ARHGAP44: variants seen among roughly 807,000 people sequenced by gnomAD.
ARHGAP44 encodes Rho GTPase activating protein 44.
In ARHGAP44, 43 loss-of-function variants were observed where a neutral mutation model predicts 106.8. That is an observed-to-expected ratio of 0.40 (90% CI 0.32 to 0.52). The LOEUF is 0.52. Among genes scored for constraint, ARHGAP44 ranks in the 20% least tolerant of loss-of-function variants. The pLI, the probability that ARHGAP44 is intolerant of heterozygous loss-of-function variation, is 0.48. For missense variants in ARHGAP44, 866 were observed against 1,050.5 expected (o/e 0.82, Z 2.43); for synonymous variants, 439 against 410.3 (o/e 1.07, Z -0.85).
At chr17:12,791,856 T>G (rs2033770670) in intron 1 of ARHGAP44, among the ~76,000 whole-genome samples, 1 of 152,208 alleles carries the variant, frequency 6.6e-6, no homozygotes, top group African/African-American at 2.4e-5. Context: ...GCCATTGTGT[T>G]GTGCACTGGG....
intron 1 of ARHGAP44, among the ~76,000 whole-genome samples, chr17:12,852,343 C>T (rs1332675402): frequency 5.1e-5 from 4 of 78,238 alleles, no homozygotes; most frequent in Admixed American, 1.4e-4. Flanking sequence ...AACCAAAAAA[C>T]TCTTCGTTTT....
At chr17:12,983,129 G>T (rs1598161852) in intron 19 of ARHGAP44, 1 of 152,108 alleles carries the variant, frequency 6.6e-6, no homozygotes, top group Non-Finnish European at 1.5e-5. Flanking sequence ...GCTGGGCATG[G>T]TGGCAGGCGC....
intron 7 of ARHGAP44, among the ~76,000 whole-genome samples, chr17:12,930,037 C>A (rs1471677764): frequency 6.6e-6 from 1 of 152,144 alleles, no homozygotes; most frequent in Admixed American, 6.6e-5. Context: ...CATTATCTCC[C>A]AGCCTACAGT....
intron 18 of ARHGAP44, among the ~76,000 whole-genome samples, chr17:12,975,729 C>G (rs756441402): frequency 7.7e-6 from 1 of 130,544 alleles, no homozygotes; most frequent in Admixed American, 9.5e-5. Context: ...ACCCAGGAGG[C>G]GGAGCTTGCA....
intron 7 of ARHGAP44, among the ~76,000 whole-genome samples, chr17:12,935,285 G>A (rs939367707): frequency 1.3e-5 from 2 of 152,058 alleles, no homozygotes; most frequent in African/African-American, 4.8e-5. Flanking sequence ...CGATTAAAGG[G>A]CATATGGGCC....
rs1395955152 is a variant in ARHGAP44 at position 12,990,130 on chromosome 17, A to G, written c.2416A>G (p.Lys806Glu). The G allele has an allele frequency of 5.0e-6, 8 of 1,613,306 alleles. No homozygotes were observed. Among genetic ancestry groups the G allele is most frequent in the Middle Eastern group, 1.7e-4 (1 of 6,060 alleles). Residue 806 changes from lysine to glutamate, a missense_variant, in exon 21 of 21, where the codon AAG (lysine) becomes GAG (glutamate). By Grantham distance (56) the Lys-to-Glu change is moderately conservative. This residue lies in a region of ARHGAP44 where 418 missense variants were observed against 403.6 expected (regional missense o/e 1.04). Coordinates refer to ENST00000379672, the MANE Select transcript of ARHGAP44 (RefSeq NM_014859.6). ...CATGCGGCGACACTCAGTAACTGAC[A>G]AGAGGGACTCGGAGGAGGAGTCTGA... ...EHMRRHSVTD[K>E]RDSEEESEST...
intron 1 of ARHGAP44, among the ~76,000 whole-genome samples, chr17:12,891,459 A>G (rs1422856911): frequency 1.3e-5 from 2 of 152,218 alleles, no homozygotes; most frequent in Admixed American, 6.5e-5. Flanking sequence ...AGGAGAGAGC[A>G]AGAGGGAGCT....
At chr17:12,854,174 ACAGGAGGGTG>A (rs1173762857) in intron 1 of ARHGAP44, among the ~76,000 whole-genome samples, 5 of 152,178 alleles carry the variant, frequency 3.3e-5, no homozygotes, top group Non-Finnish European at 5.9e-5. Context: ...TGGAGATGGC[ACAGGAGGGTG>A]CAGGAAGAAA....
At chr17:12,844,977 G>C (rs1178566193) in intron 1 of ARHGAP44, among the ~76,000 whole-genome samples, 1 of 152,246 alleles carries the variant, frequency 6.6e-6, no homozygotes, top group Non-Finnish European at 1.5e-5. Context: ...CATTTGCCGA[G>C]AGTTAGGCTC....
At chr17:12,789,933 G>T in intron 1 of ARHGAP44, 42 bp downstream of exon 1, 1 of 1,490,234 alleles carries the variant, frequency 6.7e-7, no homozygotes, top group Non-Finnish European at 8.9e-7. Flanking sequence ...GCGCCCGCGA[G>T]GCTGCATCCG....
intron 1 of ARHGAP44, among the ~76,000 whole-genome samples, chr17:12,814,302 G>A (rs1389554506): frequency 1.4e-5 from 2 of 146,924 alleles, no homozygotes; most frequent in African/African-American, 2.5e-5. Flanking sequence ...GTGCAGTGGC[G>A]TGATCTCGGC....
chr17:12,926,439 GTATATACATAATA>G (rs2038238165), intron 6 of ARHGAP44, among the ~76,000 whole-genome samples: 1 of 121,132 alleles, frequency 8.3e-6, no homozygotes, highest in Non-Finnish European at 1.8e-5. Flanking sequence ...TAATATATAT[GTATATACATAATA>G]TATATACATA....
intron 1 of ARHGAP44, among the ~76,000 whole-genome samples, chr17:12,894,553 G>A (rs1289101448): frequency 6.6e-6 from 1 of 152,170 alleles, no homozygotes; most frequent in Non-Finnish European, 1.5e-5. Flanking sequence ...TACTGTCTCT[G>A]TGTTTGTTGT....
Position 12,956,761 on chromosome 17 carries a change from C to T in ARHGAP44, c.1342+15C>T. The T allele has an allele frequency of 6.2e-7, 1 of 1,611,294 alleles. No homozygotes were observed. Among genetic ancestry groups the T allele is most frequent in the Non-Finnish European group, 8.5e-7 (1 of 1,177,654 alleles). ...CTTCCCTGGGGGTAGGTGACAGCAC[C>T]TAGGTGTGGGGGCAAGAGGCAGGGA... is the stretch of plus-strand genomic sequence containing the variant. On this transcript the variant is annotated intron_variant, in intron 15 of 20. Transcript: ENST00000379672.
chr17:12,920,867 C>T (rs1399346301), intron 6 of ARHGAP44, among the ~76,000 whole-genome samples: 3 of 152,106 alleles, frequency 2.0e-5, no homozygotes, highest in African/African-American at 4.8e-5. Context: ...TAGTAGCAGG[C>T]GGGTGCCAAA....
chr17:12,892,918 A>C (rs1300635578), intron 1 of ARHGAP44, among the ~76,000 whole-genome samples: 5 of 151,234 alleles, frequency 3.3e-5, no homozygotes, highest in Non-Finnish European at 7.4e-5. Context: ...TTATTACTAC[A>C]CGTTGAAGCA....
At chr17:12,798,918 C>T (rs2150758843) in intron 1 of ARHGAP44, among the ~76,000 whole-genome samples, 1 of 152,146 alleles carries the variant, frequency 6.6e-6, no homozygotes, top group South Asian at 2.1e-4. Context: ...TTTCTTGAGT[C>T]AGTTTGAATA....
intron 1 of ARHGAP44, among the ~76,000 whole-genome samples, chr17:12,826,983 A>G (rs1396237841): frequency 1.3e-5 from 2 of 151,634 alleles, no homozygotes; most frequent in Non-Finnish European, 2.9e-5. Context: ...GCTTCTCCCT[A>G]CCTCCCAATA....
intron 20 of ARHGAP44, chr17:12,986,469 T>C (rs923132167): frequency 6.6e-6 from 1 of 152,176 alleles, no homozygotes; most frequent in Non-Finnish European, 1.5e-5. Flanking sequence ...AGCAATAGAA[T>C]GAGCAGAAGA....
Sources: allele counts gnomAD v4.1 joint callset (sites outside exome capture counted in the v4.1 genomes callset), GRCh38; gene constraint gnomAD v4.1.1; regional missense constraint gnomAD v4.1.1; transcripts MANE v1.5; gene names NCBI Gene and HGNC (gene_info 2026-07-23, HGNC 2026-07-21).